The following SLIRP variants were observed in gnomAD, a reference collection of about 807,000 sequenced individuals.
SLIRP encodes SRA stem-loop interacting RNA binding protein, also known as SRA stem-loop-interacting RNA-binding protein, mitochondrial.
SLIRP carries 12 observed loss-of-function variants against 13.4 expected under a neutral mutation model. The observed-to-expected ratio is 0.89, with a 90% confidence interval of 0.57 to 1.45. The LOEUF (loss-of-function observed/expected upper bound fraction) is 1.45. SLIRP is among the 40% of genes most tolerant of loss of function. SLIRP has a pLI of 0.00. For synonymous variants in SLIRP, 55 were observed against 47.1 expected (o/e 1.17, Z -0.69); for missense variants, 154 against 132.2 (o/e 1.17, Z -0.81).
At chr14:77,715,157 CAA>C (rs987699766) in intron 2 of SLIRP, among the ~76,000 whole-genome samples, 64 of 152,048 alleles carry the variant, frequency 4.2e-4, no homozygotes, top group African/African-American at 1.5e-3. Flanking sequence ...AAGCTTAGAA[CAA>C]GAGTACTGAT....
At chr14:77,712,347 T>C (rs2080446784) in intron 2 of SLIRP, among the ~76,000 whole-genome samples, 1 of 151,392 alleles carries the variant, frequency 6.6e-6, no homozygotes, top group African/African-American at 2.4e-5. Flanking sequence ...AGTCTCAGCT[T>C]ACTGCAACCT....
At chr14:77,713,036 A>G (rs2080452944) in intron 2 of SLIRP, among the ~76,000 whole-genome samples, 1 of 152,096 alleles carries the variant, frequency 6.6e-6, no homozygotes, top group Non-Finnish European at 1.5e-5. Context: ...GGAGGGGAGG[A>G]GATTATATAG....
Position 77,717,479 on chromosome 14 carries a change from G to T in SLIRP, c.265-17G>T. ...CAGACATTGCCTTTCCTCCCTTACAGTGCTTATTTTTTTAAGGTCCAGGTT... is the reference window on the plus strand; with the variant it reads ...CAGACATTGCCTTTCCTCCCTTACATTGCTTATTTTTTTAAGGTCCAGGTT... On this transcript the variant is annotated splice_polypyrimidine_tract_variant and intron_variant, in intron 3 of 3. Coordinates refer to ENST00000557342, the MANE Select transcript of SLIRP (RefSeq NM_031210.6). 2 of 1,610,940 alleles carry T rather than the reference G, an allele frequency of 1.2e-6. No homozygotes were observed. The highest frequency in any genetic ancestry group is 2.2e-5 in the South Asian group (2 of 90,334).
intron 2 of SLIRP, among the ~76,000 whole-genome samples, chr14:77,715,478 T>C (rs1428004475): frequency 1.1e-5 from 1 of 91,888 alleles, no homozygotes; most frequent in African/African-American, 4.7e-5. Flanking sequence ...ACCCCATCTC[T>C]GCAAAAAATA....
chr14:77,714,639 T>G (rs1389425901), intron 2 of SLIRP, among the ~76,000 whole-genome samples: 1 of 152,226 alleles, frequency 6.6e-6, no homozygotes, highest in African/African-American at 2.4e-5. Flanking sequence ...ACTGTGGAAG[T>G]GGTCACATGA....
At chr14:77,711,886 T>C (rs56003103) in intron 2 of SLIRP, 25,494 of 153,438 alleles carry the variant, frequency 0.17, 2,443 homozygotes, top group Non-Finnish European at 0.22. Context: ...GGTCTTGCCA[T>C]GTTGCCCAGG....
intron 2 of SLIRP, among the ~76,000 whole-genome samples, chr14:77,712,600 A>T (rs1271213688): frequency 2.6e-5 from 4 of 151,932 alleles, no homozygotes; most frequent in Non-Finnish European, 1.5e-5. Flanking sequence ...GCCCGCCACT[A>T]CGCCCGGCTA....
chr14:77,716,326 CAAACAAAA>C (rs768769831), intron 3 of SLIRP: 75 of 116,042 alleles, frequency 6.5e-4, no homozygotes, highest in Middle Eastern at 9.5e-3. Context: ...AACAAACAAA[CAAACAAAA>C]CAACAACAAA....
At chr14:77,709,615 C>G (rs2080424811) in intron 1 of SLIRP, among the ~76,000 whole-genome samples, 1 of 152,162 alleles carries the variant, frequency 6.6e-6, no homozygotes, top group Non-Finnish European at 1.5e-5. Flanking sequence ...ATTTGAGTAT[C>G]TATTCTGTGG....
chr14:77,713,179 AT>A (rs926587097), intron 2 of SLIRP, among the ~76,000 whole-genome samples: 1 of 152,066 alleles, frequency 6.6e-6, no homozygotes, highest in Non-Finnish European at 1.5e-5. Flanking sequence ...ATTGAGTACC[AT>A]TTTCTTTTTT....
Position 77,710,873 on chromosome 14 carries a change from G to A in SLIRP, c.133G>A (p.Val45Ile). 1 of 1,614,148 alleles carries A rather than the reference G, an allele frequency of 6.2e-7. No individual in the cohort carries two copies. Among genetic ancestry groups the A allele is most frequent in the Non-Finnish European group, 8.5e-7 (1 of 1,180,028 alleles). Residue 45 changes from valine (V) to isoleucine (I), a missense_variant, in exon 2 of 4, where the codon GTC becomes ATC. By Grantham distance (29) the Val-to-Ile change is conservative. Transcript: ENST00000557342. Reference sequence around the variant, plus strand: ...AGAACACTTTGCACAGTTCGGCCATGTCAGAAGGTGCATTTTACCTTTTGT... The same window carrying A: ...AGAACACTTTGCACAGTTCGGCCATATCAGAAGGTGCATTTTACCTTTTGT... ...LKEHFAQFGH[V>I]RRCILPFDKE... is the part of the protein sequence containing the mutation.
At chr14:77,708,849 G>A (rs372844393) in intron 1 of SLIRP, among the ~76,000 whole-genome samples, 1 of 152,306 alleles carries the variant, frequency 6.6e-6, no homozygotes, top group African/African-American at 2.4e-5. Context: ...GTATATCATT[G>A]TGGCTGAGAA....
chr14:77,712,733 T>A, intron 2 of SLIRP, among the ~76,000 whole-genome samples: 1 of 152,116 alleles, frequency 6.6e-6, no homozygotes, highest in East Asian at 1.9e-4. Flanking sequence ...GGTGTGAGCC[T>A]TCATGCCCGG....
rs2080495995 is a variant in SLIRP at position 77,717,485 on chromosome 14, ATTTTTTTAAGGTC to A, written c.265-10_267del. The A allele has an allele frequency of 1.2e-6, 2 of 1,611,496 alleles. No individual in the cohort carries two copies. The highest frequency in any genetic ancestry group is 1.7e-6 in the Non-Finnish European group (2 of 1,179,188). On this transcript the variant is annotated splice_acceptor_variant and splice_polypyrimidine_tract_variant and coding_sequence_variant and intron_variant, in exon 4 of 4. Transcript: ENST00000557342. LOFTEE classifies it high-confidence loss of function. ...TTGCCTTTCCTCCCTTACAGTGCTTATTTTTTTAAGGTCCAGGTTCACACTAGAAGGCCAAAAC... is the reference window on the plus strand; with the variant it reads ...TTGCCTTTCCTCCCTTACAGTGCTTACAGGTTCACACTAGAAGGCCAAAAC...
upstream of SLIRP, chr14:77,708,095 G>T (rs753376953): frequency 6.2e-7 from 1 of 1,611,994 alleles, no homozygotes; most frequent in South Asian, 1.1e-5. Flanking sequence ...GGCTCGAGAA[G>T]GTGCTTTAGT....
intron 2 of SLIRP, among the ~76,000 whole-genome samples, chr14:77,711,345 T>C (rs1486672821): frequency 1.3e-5 from 2 of 152,004 alleles, no homozygotes; most frequent in Non-Finnish European, 2.9e-5. Context: ...AAAATTCTTA[T>C]CTTGCAACAG....
intron 2 of SLIRP, 118 bp from the exon 3 acceptor site, chr14:77,715,654 T>C (rs2080470286): frequency 1.2e-6 from 1 of 826,714 alleles, no homozygotes; most frequent in Non-Finnish European, 1.9e-6. Context: ...AAAAATAAAA[T>C]AAAATTAAAT....
At chr14:77,715,906 T>C in intron 3 of SLIRP, 27 bp downstream of exon 3, 1 of 1,438,790 alleles carries the variant, frequency 7.0e-7, no homozygotes, top group Non-Finnish European at 9.8e-7. Flanking sequence ...GCCAGATACA[T>C]ACATGATATA....
intron 2 of SLIRP, among the ~76,000 whole-genome samples, chr14:77,714,730 G>T (rs1413122660): frequency 6.6e-6 from 1 of 152,246 alleles, no homozygotes. Context: ...CCGTCTTCTA[G>T]GTTAATCCTT....
Sources: gnomAD v4.1 joint callset for allele counts (sites outside exome capture counted in the v4.1 genomes callset) on GRCh38, gnomAD v4.1.1 for gene constraint, MANE v1.5 for transcripts, NCBI Gene and HGNC (gene_info 2026-07-23, HGNC 2026-07-21) for gene names.